Variants in FN3KRP observed in about 807,000 individuals in gnomAD.
FN3KRP encodes the protein fructosamine 3 kinase related protein, also known as ketosamine-3-kinase.
FN3KRP carries 33 observed loss-of-function variants against 29.8 expected under a neutral mutation model. The observed-to-expected ratio is 1.11, with a 90% CI of 0.84 to 1.48. The LOEUF is 1.48. Among genes scored for constraint, FN3KRP ranks in the 40% most tolerant of loss-of-function variants. The probability of loss-of-function intolerance (pLI) is 0.00; values close to 1 mark genes in which losing one functional copy is unlikely to be tolerated. For synonymous variants in FN3KRP, 157 were observed against 155.2 expected (o/e 1.01, Z -0.09); for missense variants, 430 against 402.6 (o/e 1.07, Z -0.58).
chr17:82,720,189 T>C, intron 2 of FN3KRP, 83 bp from the exon 3 acceptor site: 1 of 1,142,658 alleles, frequency 8.8e-7, no homozygotes. Flanking sequence ...AGTTTGACCC[T>C]CTTTATGTGC....
chr17:82,717,505 G>A (rs1422240317), intron 1 of FN3KRP, among the ~76,000 whole-genome samples: 3 of 151,884 alleles, frequency 2.0e-5, no homozygotes, highest in African/African-American at 7.3e-5. Context: ...GGAGCGCGAA[G>A]TCAGGAGTTC....
Position 82,727,202 on chromosome 17 carries a change from G to A in FN3KRP, c.*31G>A, listed in dbSNP as rs766961869. ...CCTTACTCTGGAAGGAGGCCTCAGA[G>A]GTTTCTCCACAGTCCTCTTCTGGGC... On this transcript the variant is annotated 3_prime_UTR_variant, in exon 6 of 6. Transcript: ENST00000269373. The A allele has an allele frequency of 6.9e-6, 11 of 1,594,216 alleles. No individual in the cohort carries two copies. The highest frequency in any genetic ancestry group is 9.4e-6 in the Non-Finnish European group (11 of 1,166,546).
Position 82,727,061 on chromosome 17 carries a change from G to A in FN3KRP, c.820G>A (p.Glu274Lys), listed in dbSNP as rs11551833. ...HGKIPKAPGF[E>K]KRLQLYQLFH... The stretch of plus-strand genomic sequence containing the variant: ...CAAAATCCCCAAGGCCCCAGGATTC[G>A]AGAAGCGCCTTCAGTTGTATCAGCT... Residue 274 changes from glutamate to lysine, a missense_variant, in exon 6 of 6, where the codon GAG becomes AAG. By Grantham distance (56) the Glu-to-Lys change is moderately conservative. Coordinates refer to ENST00000269373, the MANE Select transcript of FN3KRP (RefSeq NM_024619.4). 3.5e-5 allele frequency: 56 copies of A among 1,614,094 alleles called. 1 individual carries two copies. The South Asian group carries it at 5.4e-4, about 16-fold the overall frequency.
At position 82,727,405 on chromosome 17, in the gene FN3KRP, G is replaced by T; in HGVS notation, c.*234G>T. The T allele has an allele frequency of 2.2e-6, 1 of 455,450 alleles. No homozygotes were observed. Among genetic ancestry groups the T allele is most frequent in the Non-Finnish European group, 3.9e-6 (1 of 254,182 alleles). The allele number at this position is 455,450 out of a possible 1,614,324, so 28.2% of individuals were successfully genotyped here. ...ACAGGCAGGGTATGAGCAGAGGGAT[G>T]TATGGAGTGTGGGTGACTCTGAGCC... is the stretch of plus-strand genomic sequence containing the variant. On this transcript the variant is annotated 3_prime_UTR_variant, in exon 6 of 6. Transcript: ENST00000269373.
chr17:82,724,816 A>AT (rs1048853355), intron 4 of FN3KRP, among the ~76,000 whole-genome samples: 9 of 149,778 alleles, frequency 6.0e-5, no homozygotes, highest in Non-Finnish European at 8.9e-5. Flanking sequence ...CAAAAAAAAA[A>AT]TTTTTTTTTT....
At chr17:82,724,169 C>G (rs999271653) in intron 4 of FN3KRP, among the ~76,000 whole-genome samples, 9 of 151,602 alleles carry the variant, frequency 5.9e-5, no homozygotes, top group Non-Finnish European at 1.5e-5. Flanking sequence ...TGGTGCGTGC[C>G]TGTAGTTCCA....
rs767201531 is a variant in FN3KRP at position 82,719,003 on chromosome 17, C to T, written c.239C>T (p.Pro80Leu). 8.1e-6 allele frequency: 13 copies of T among 1,614,076 alleles called. No individual in the cohort carries two copies. Among genetic ancestry groups the T allele is most frequent in the South Asian group, 6.6e-5 (6 of 91,090 alleles). Residue 80 changes from proline (P) to leucine (L), a missense_variant, in exon 2 of 6, where the codon CCA becomes CTA. Coordinates refer to ENST00000269373, the MANE Select transcript of FN3KRP (RefSeq NM_024619.4). ...AAGCCCATCAAGGTTCTGGATGCCC[C>T]AGGCGGCGGGAGCGTGCTGGTGATG... The part of the protein sequence containing the change: ...VPKPIKVLDA[P>L]GGGSVLVMEH...
At chr17:82,722,576 G>T in intron 3 of FN3KRP, 1 of 507,374 alleles carries the variant, frequency 2.0e-6, no homozygotes, top group Non-Finnish European at 3.5e-6. Context: ...TGATGCTGAC[G>T]TCTGCTGGAG....
intron 4 of FN3KRP, among the ~76,000 whole-genome samples, chr17:82,724,688 CAA>C (rs2046824555): frequency 6.6e-6 from 1 of 152,004 alleles, no homozygotes; most frequent in South Asian, 2.1e-4. Context: ...CTGTAAAGGC[CAA>C]AAGTGTGCTG....
chr17:82,721,452 C>A (rs1216427017), intron 3 of FN3KRP, among the ~76,000 whole-genome samples: 1 of 152,118 alleles, frequency 6.6e-6, no homozygotes, highest in Non-Finnish European at 1.5e-5. Context: ...CACTGAGAGC[C>A]ATCCTTTCTG....
intron 3 of FN3KRP, among the ~76,000 whole-genome samples, chr17:82,721,653 C>T (rs952848014): frequency 2.0e-5 from 3 of 151,698 alleles, no homozygotes; most frequent in African/African-American, 7.3e-5. Flanking sequence ...CAGGCGCCTG[C>T]CACCACGCCT....
chr17:82,720,602 C>A (rs1037138295), intron 3 of FN3KRP, among the ~76,000 whole-genome samples: 5 of 152,214 alleles, frequency 3.3e-5, no homozygotes, highest in Non-Finnish European at 7.3e-5. Flanking sequence ...CAAGACACCC[C>A]TAGTGTTACA....
intron 2 of FN3KRP, among the ~76,000 whole-genome samples, chr17:82,719,975 C>T (rs1040597305): frequency 6.6e-6 from 1 of 152,074 alleles, no homozygotes; most frequent in Non-Finnish European, 1.5e-5. Flanking sequence ...ACCAGTCTGG[C>T]CAACACAGTG....
In FN3KRP at chr17:82,727,381, C is replaced by T. The variant is rs1442492080; in HGVS notation, c.*210C>T. The T allele has an allele frequency of 1.1e-5, 6 of 537,528 alleles. No individual in the cohort carries two copies. The highest frequency in any genetic ancestry group is 2.0e-5 in the Non-Finnish European group (6 of 302,140). 33.3% of individuals were successfully genotyped at this position (537,528 alleles called of 1,614,324 possible). ...TTTGTAGGTAGACGGAGCCACACTA[C>T]AGGCAGGGTATGAGCAGAGGGATGT... On this transcript the variant is annotated 3_prime_UTR_variant, in exon 6 of 6. Coordinates refer to ENST00000269373, the MANE Select transcript of FN3KRP (RefSeq NM_024619.4).
intron 4 of FN3KRP, among the ~76,000 whole-genome samples, chr17:82,725,905 G>A (rs1296808176): frequency 6.6e-6 from 1 of 152,166 alleles, no homozygotes; most frequent in Non-Finnish European, 1.5e-5. Flanking sequence ...CAGGTGCAGT[G>A]GCCCACGCCC....
Position 82,727,875 on chromosome 17 carries a change from T to C in FN3KRP, c.*704T>C, listed in dbSNP as rs1471355907. ...TACAGCTTGCTGAGTTGTCATTCCTTTGCAACATTAAAATACATGCTGAAC... is the reference window on the plus strand; with the variant it reads ...TACAGCTTGCTGAGTTGTCATTCCTCTGCAACATTAAAATACATGCTGAAC... On this transcript the variant is annotated 3_prime_UTR_variant, in exon 6 of 6. Coordinates refer to ENST00000269373, the MANE Select transcript of FN3KRP (RefSeq NM_024619.4). 1 of 152,190 alleles carries C rather than the reference T, an allele frequency of 6.6e-6. No individual in the cohort carries two copies. Among genetic ancestry groups the C allele is most frequent in the Admixed American group, 6.6e-5 (1 of 15,264 alleles). The allele number at this position is 152,190 out of a possible 1,614,324, so 9.4% of individuals were successfully genotyped here.
intron 1 of FN3KRP, chr17:82,718,653 C>T (rs905609715): frequency 2.4e-6 from 3 of 1,251,866 alleles, no homozygotes; most frequent in African/African-American, 3.0e-5. Context: ...CAGAGAACCT[C>T]CCAATTCAAC....
rs747506396 is a variant in FN3KRP at position 82,726,832 on chromosome 17, G to T, written c.592-1G>T. 9.8e-6 allele frequency: 15 copies of T among 1,527,058 alleles called. No homozygotes were observed. In the African/African-American group the frequency reaches 2.1e-4, roughly 21 times the overall value. The allele number at this position is 1,527,058 out of a possible 1,614,324, so 94.6% of individuals were successfully genotyped here. On this transcript the variant is annotated splice_acceptor_variant, in intron 5 of 5. Transcript: ENST00000269373. LOFTEE classifies it high-confidence loss of function. Reference sequence around the variant, plus strand: ...CTGAGGCTCCATTTTCCTCCCTGCAGTTAAAGATCCCTGACCTGTTCCGTG... The same window carrying T: ...CTGAGGCTCCATTTTCCTCCCTGCATTTAAAGATCCCTGACCTGTTCCGTG...
At position 82,723,694 on chromosome 17, in the gene FN3KRP, C is replaced by T. The variant is rs916172749; in HGVS notation, c.468+808C>T. ...ACATGTATGTGTGCAGGCGTGTGTG[C>T]GCATGACTGTGTGCCTGATGCATGA... On this transcript the variant is annotated intron_variant, in intron 4 of 5. Coordinates refer to ENST00000269373, the MANE Select transcript of FN3KRP (RefSeq NM_024619.4). Among the ~76,000 whole-genome samples, 4 of 152,054 alleles carry T rather than the reference C, an allele frequency of 2.6e-5. No individual in the cohort carries two copies. The South Asian group carries it at 8.3e-4, about 32-fold the overall frequency.
Sources: gnomAD v4.1 joint callset for allele counts (sites outside exome capture counted in the v4.1 genomes callset) on GRCh38, gnomAD v4.1.1 for gene constraint, MANE v1.5 for transcripts, NCBI Gene and HGNC (gene_info 2026-07-23, HGNC 2026-07-21) for gene names.